DHX38: variants seen among roughly 807,000 people sequenced by gnomAD.
DHX38 encodes pre-mRNA-splicing factor ATP-dependent RNA helicase PRP16.
A neutral mutation model predicts 153.1 loss-of-function variants in DHX38; 100 were observed. The ratio of observed to expected loss-of-function variants is 0.65; its 90% CI spans 0.56 to 0.77. DHX38 has a LOEUF of 0.77. Among genes scored for constraint, DHX38 ranks in the 30% least tolerant of loss-of-function variants. The probability of loss-of-function intolerance (pLI) is 0.00; values close to 1 mark genes in which losing one functional copy is unlikely to be tolerated. For missense variants in DHX38, 1,440 were observed against 1,654.0 expected (o/e 0.87, Z 2.24); for synonymous variants, 650 against 631.7 (o/e 1.03, Z -0.43).
In DHX38 at chr16:72,096,306, G is replaced by A. The variant is rs558160185; in HGVS notation, c.149G>A (p.Gly50Glu). The A allele has an allele frequency of 1.6e-5, 26 of 1,614,180 alleles. No individual in the cohort carries two copies. In the South Asian group the frequency reaches 1.9e-4, roughly 12 times the overall value. Residue 50 changes from glycine (G) to glutamate (E), a missense_variant, in exon 2 of 27, where the codon GGA (glycine) becomes GAA (glutamate). Gly to Glu is a moderately conservative substitution (Grantham distance 98). Coordinates refer to ENST00000268482, the MANE Select transcript of DHX38 (RefSeq NM_014003.4). ...KAPAPRPSLL[G>E]LDLLASLKRR... ...CCTGCTCCCCGCCCTTCATTACTCG[G>A]ACTGGACTTGCTGGCTTCCCTGAAA...
chr16:72,106,223 G>A, intron 19 of DHX38, 106 bp downstream of exon 19: 1 of 977,244 alleles, frequency 1.0e-6, no homozygotes, highest in Non-Finnish European at 1.5e-6. Context: ...GGTCCCCAAG[G>A]CTGGAAGCTG....
chr16:72,108,388 G>C lies in DHX38; in HGVS notation c.3120+6G>C. ...ATGCTAAGGCCATGCGGAAGGTAGA[G>C]TGGTGGATGAGCAGGATGTTGGGAT... is the stretch of plus-strand genomic sequence containing the variant. On this transcript the variant is annotated splice_donor_region_variant and intron_variant, in intron 22 of 26. Coordinates refer to ENST00000268482, the MANE Select transcript of DHX38 (RefSeq NM_014003.4). 6.2e-7 allele frequency: 1 copy of C among 1,614,170 alleles called. No individual in the cohort carries two copies. The highest frequency in any genetic ancestry group is 1.3e-5 in the African/African-American group (1 of 75,064).
In DHX38 at chr16:72,096,280, T is replaced by C. The variant is rs1266572894; in HGVS notation, c.123T>C (p.Ala41=). 1.9e-6 allele frequency: 3 copies of C among 1,614,192 alleles called. No homozygotes were observed. Among genetic ancestry groups the C allele is most frequent in the Non-Finnish European group, 2.5e-6 (3 of 1,180,032 alleles). The change falls in exon 2 of 27, where the codon GCT becomes GCC. Residue 41 remains alanine (A), a synonymous_variant. Coordinates refer to ENST00000268482, the MANE Select transcript of DHX38 (RefSeq NM_014003.4). ...CCAGCGAGCAGCATGTCTTCAAGGC[T>C]CCTGCTCCCCGCCCTTCATTACTCG... ...SAASEQHVFK[A]PAPRPSLLGL...
chr16:72,097,118 T>C (rs1256192303), intron 3 of DHX38, 109 bp downstream of exon 3: 1 of 1,240,848 alleles, frequency 8.1e-7, no homozygotes, highest in East Asian at 2.6e-5. Flanking sequence ...GGAGTCCTAT[T>C]TGCATGATGT....
At position 72,112,466 on chromosome 16, in the gene DHX38, C is replaced by G; in HGVS notation, c.3653C>G (p.Pro1218Arg). ...AAAGAGCAAGGGGAGCCCATGACCC[C>G]TCGCCGCACGCCAGCCCGCTTTGGT... ...GRKEQGEPMT[P>R]RRTPARFGL The change falls in exon 27 of 27, where the codon CCT becomes CGT. Residue 1218 changes from proline (P) to arginine (R), a missense_variant. Coordinates refer to ENST00000268482, the MANE Select transcript of DHX38 (RefSeq NM_014003.4). 6.2e-7 allele frequency: 1 copy of G among 1,612,182 alleles called. No homozygotes were observed. Among genetic ancestry groups the G allele is most frequent in the Non-Finnish European group, 8.5e-7 (1 of 1,180,016 alleles).
intron 1 of DHX38, chr16:72,094,317 C>T (rs2041973539): frequency 6.6e-6 from 1 of 152,442 alleles, no homozygotes; most frequent in Non-Finnish European, 1.5e-5. Context: ...GGTCCCTCTC[C>T]CAGGCCTCCG....
In DHX38 at chr16:72,098,714, A is replaced by C; in HGVS notation, c.686A>C (p.Gln229Pro). 2 of 1,613,994 alleles carry C rather than the reference A, an allele frequency of 1.2e-6. No individual in the cohort carries two copies. The highest frequency in any genetic ancestry group is 1.3e-5 in the African/African-American group (1 of 74,986). ...DSGYGSSRRS[Q>P]WESPSPTPSY... Reference sequence around the variant, plus strand: ...GGCTATGGCTCCTCAAGGCGCTCACAGTGGGAATCGCCCTCCCCGACGCCT... The same window carrying C: ...GGCTATGGCTCCTCAAGGCGCTCACCGTGGGAATCGCCCTCCCCGACGCCT... Residue 229 changes from glutamine to proline, a missense_variant, in exon 5 of 27, where the codon CAG (glutamine) becomes CCG (proline). Transcript: ENST00000268482.
chr16:72,098,984 T>A lies in DHX38; in HGVS notation c.822T>A (p.Tyr274Ter). ...DTPLPTPSYK[Y>*]NEWADDRRHL... ...CTCTGCCAACTCCCTCCTACAAATA[T>A]AACGAGTGGGCCGATGACAGAAGAC... Residue 274 changes from tyrosine to a stop codon, truncating the protein, a stop_gained, in exon 6 of 27, where the codon TAT becomes TAA. Coordinates refer to ENST00000268482, the MANE Select transcript of DHX38 (RefSeq NM_014003.4). LOFTEE classifies it high-confidence loss of function. The A allele has an allele frequency of 6.2e-7, 1 of 1,613,794 alleles. No individual in the cohort carries two copies. The highest frequency in any genetic ancestry group is 8.5e-7 in the Non-Finnish European group (1 of 1,180,018).
Position 72,094,933 on chromosome 16 carries a change from C to T in DHX38, c.-20+882C>T, listed in dbSNP as rs145058711. 5.9e-5 allele frequency among the ~76,000 whole-genome samples: 9 copies of T among 152,330 alleles called. No homozygotes were observed. In the East Asian group the frequency reaches 1.7e-3, roughly 29 times the overall value. On this transcript the variant is annotated intron_variant, in intron 1 of 26. Transcript: ENST00000268482. Reference sequence around the variant, plus strand: ...ATCTTTACCTTCTTGTGTGGATTTCCTCACATGCGCACAGATGTCACCAAT... The same window carrying T: ...ATCTTTACCTTCTTGTGTGGATTTCTTCACATGCGCACAGATGTCACCAAT...
chr16:72,111,566 G>A (rs1051358840), intron 26 of DHX38, among the ~76,000 whole-genome samples: 9 of 152,182 alleles, frequency 5.9e-5, no homozygotes, highest in East Asian at 5.8e-4. Flanking sequence ...TCAGAACTCC[G>A]GAGAGTGCCG....
intron 25 of DHX38, 185 bp downstream of exon 25, chr16:72,109,695 G>C (rs1597449514): frequency 2.0e-6 from 1 of 508,170 alleles, no homozygotes; most frequent in East Asian, 3.9e-5. Flanking sequence ...GGTAGGCTGA[G>C]CCTTTAAAAA....
Position 72,101,280 on chromosome 16 carries a change from A to G in DHX38, c.1386+87A>G. 10 of 1,416,022 alleles carry G rather than the reference A, an allele frequency of 7.1e-6. No homozygotes were observed. The South Asian group carries it at 7.4e-5, about 10-fold the overall frequency. The allele number at this position is 1,416,022 out of a possible 1,614,324, so 87.7% of individuals were successfully genotyped here. On this transcript the variant is annotated intron_variant, in intron 10 of 26. Coordinates refer to ENST00000268482, the MANE Select transcript of DHX38 (RefSeq NM_014003.4). ...CATAAGTCTTACTAGGCCCACAGAT[A>G]GAAGTTAGGAGTCCCCTCTATCAAG...
Position 72,108,114 on chromosome 16 carries a change from G to C in DHX38, c.2965-113G>C, listed in dbSNP as rs972338584. 47 of 1,255,648 alleles carry C rather than the reference G, an allele frequency of 3.7e-5. No homozygotes were observed. The East Asian group carries it at 1.1e-3, about 29-fold the overall frequency. 77.8% of individuals were successfully genotyped at this position (1,255,648 alleles called of 1,614,324 possible). ...TCTCAAATTGTCAGGGCAACCTATT[G>C]ACATGTTTGAAGTTCTATGTGTGGG... On this transcript the variant is annotated intron_variant, in intron 21 of 26. Coordinates refer to ENST00000268482, the MANE Select transcript of DHX38 (RefSeq NM_014003.4).
intron 9 of DHX38, 135 bp from the exon 10 acceptor site, chr16:72,100,951 A>AGG (rs2042091582): frequency 1.1e-6 from 1 of 907,302 alleles, no homozygotes; most frequent in African/African-American, 1.7e-5. Context: ...CCTGATGTGG[A>AGG]GACAGAAAGA....
In DHX38 at chr16:72,105,511, C is replaced by T. The variant is rs766999403; in HGVS notation, c.2380-6C>T. ...CATTTTTCCCTTCCTGTATGTCCTG[C>T]TCTAGGCTCCAGATGGCGTTCGGAA... On this transcript the variant is annotated splice_region_variant and splice_polypyrimidine_tract_variant and intron_variant, in intron 17 of 26. Coordinates refer to ENST00000268482, the MANE Select transcript of DHX38 (RefSeq NM_014003.4). The T allele has an allele frequency of 5.6e-6, 9 of 1,614,024 alleles. No individual in the cohort carries two copies. The highest frequency in any genetic ancestry group is 2.2e-5 in the East Asian group (1 of 44,888).
chr16:72,098,330 G>A (rs1367748174), intron 4 of DHX38, among the ~76,000 whole-genome samples: 3 of 152,106 alleles, frequency 2.0e-5, no homozygotes, highest in African/African-American at 7.2e-5. Flanking sequence ...CTATTCGGTA[G>A]GCTGAGGCAG....
At chr16:72,101,689 A>G in intron 11 of DHX38, 77 bp downstream of exon 11, 1 of 1,237,846 alleles carries the variant, frequency 8.1e-7, no homozygotes. Flanking sequence ...GGCAGAACCC[A>G]TCGACTTTGT....
intron 26 of DHX38, among the ~76,000 whole-genome samples, chr16:72,111,581 T>TA (rs2042257025): frequency 6.6e-6 from 1 of 152,202 alleles, no homozygotes. Context: ...GTGCCGTACT[T>TA]ACCATTATAG....
At chr16:72,100,341 T>A in intron 8 of DHX38, 95 bp from the exon 9 acceptor site, 1 of 1,487,986 alleles carries the variant, frequency 6.7e-7, no homozygotes, top group East Asian at 2.5e-5. Flanking sequence ...ACCAGTGGCC[T>A]TCTGTCAGGA....
Sources: allele counts gnomAD v4.1 joint callset (sites outside exome capture counted in the v4.1 genomes callset), GRCh38; gene constraint gnomAD v4.1.1; transcripts MANE v1.5; gene names NCBI Gene and HGNC (gene_info 2026-07-23, HGNC 2026-07-21).